The following CRAMP1 variants were observed in gnomAD, a reference collection of about 807,000 sequenced individuals.
The protein encoded by CRAMP1 is cramped chromatin regulator 1.
In CRAMP1, 50 loss-of-function variants were observed where a neutral mutation model predicts 115.4. The ratio of observed to expected loss-of-function variants is 0.43; its 90% CI spans 0.35 to 0.55. The LOEUF is 0.55. CRAMP1 is among the 20% of genes least tolerant of loss of function. CRAMP1 has a pLI of 0.01. For missense variants in CRAMP1, 1,679 were observed against 1,721.7 expected (o/e 0.98, Z 0.44); for synonymous variants, 866 against 745.4 (o/e 1.16, Z -2.64).
intron 6 of CRAMP1, among the ~76,000 whole-genome samples, chr16:1,642,828 T>G (rs995344246): frequency 1.3e-5 from 2 of 152,238 alleles, no homozygotes; most frequent in African/African-American, 4.8e-5. Context: ...AGTTCCAGAC[T>G]CTTTGCTGTA....
chr16:1,615,496 A>G (rs1282545931), intron 2 of CRAMP1, among the ~76,000 whole-genome samples: 1 of 152,204 alleles, frequency 6.6e-6, no homozygotes. Flanking sequence ...GGTTGAGAGT[A>G]GGAAGGGCAT....
intron 6 of CRAMP1, among the ~76,000 whole-genome samples, chr16:1,642,695 T>C (rs916357227): frequency 2.0e-5 from 3 of 152,248 alleles, no homozygotes; most frequent in Admixed American, 6.5e-5. Context: ...GTTTCTGATG[T>C]CAGCTGACCA....
rs2036739192 is a variant in CRAMP1, at chr16:1,653,172, G to A, written c.1037+16G>A. ...CACGCCTCAGGTAACATGGCCCTTGGCACGCAGAGGGGTCCCAACTGCTTG... is the reference window on the plus strand; with the variant it reads ...CACGCCTCAGGTAACATGGCCCTTGACACGCAGAGGGGTCCCAACTGCTTG... On this transcript the variant is annotated intron_variant, in intron 8 of 20. Coordinates refer to ENST00000397412, the MANE Select transcript of CRAMP1 (RefSeq NM_020825.4). The A allele has an allele frequency of 6.2e-7, 1 of 1,602,698 alleles. No individual in the cohort carries two copies. The highest frequency in any genetic ancestry group is 1.1e-5 in the South Asian group (1 of 89,100).
intron 2 of CRAMP1, among the ~76,000 whole-genome samples, chr16:1,616,239 C>T (rs1040081011): frequency 2.6e-5 from 4 of 152,166 alleles, no homozygotes; most frequent in Non-Finnish European, 5.9e-5. Flanking sequence ...TTGCTAGTTA[C>T]AGGTATGTCT....
At chr16:1,673,788 G>T in intron 20 of CRAMP1, 93 bp from the exon 21 acceptor site, 1 of 1,198,022 alleles carries the variant, frequency 8.3e-7, no homozygotes. Flanking sequence ...AGCGGGAGTC[G>T]ATAGGAGCTT....
In CRAMP1 at chr16:1,614,793, C is replaced by G. The variant is rs1481180447; in HGVS notation, c.154C>G (p.Pro52Ala). The part of the protein sequence containing the change: ...SSGTKRDEKT[P>A]RAGADGPPAP... ...CGGCACAAAGAGGGACGAGAAGACC[C>G]CCCGGGCCGGCGCCGACGGCCCCCC... The change falls in exon 2 of 21, where the codon CCC becomes GCC. Residue 52 changes from proline to alanine, a missense_variant. This residue lies in a region of CRAMP1 where 264 missense variants were observed against 229.7 expected (regional missense o/e 1.15). Transcript: ENST00000397412. This position sits in a 1 kb window ranked among gnomAD's most constrained non-coding sequence, Gnocchi z 4.4. 5 of 1,309,610 alleles carry G rather than the reference C, an allele frequency of 3.8e-6. No homozygotes were observed. Among genetic ancestry groups the G allele is most frequent in the Non-Finnish European group, 4.9e-6 (5 of 1,028,232 alleles). The allele number at this position is 1,309,610 out of a possible 1,614,324, so 81.1% of individuals were successfully genotyped here.
At position 1,622,363 on chromosome 16, in the gene CRAMP1, A is replaced by T. The variant is rs542447280; in HGVS notation, c.347-3610A>T. 4.6e-5 allele frequency among the ~76,000 whole-genome samples: 7 copies of T among 152,252 alleles called. No homozygotes were observed. In the East Asian group the frequency reaches 1.2e-3, roughly 25 times the overall value. ...CCCCGTCTCTACTAAAGTACAAAAA[A>T]ATTAGCCATTGTGGTGGTGTGCACC... On this transcript the variant is annotated intron_variant, in intron 2 of 20. Transcript: ENST00000397412.
rs1420929399 is a variant in CRAMP1 at position 1,656,159 on chromosome 16, G to A, written c.1402G>A (p.Ala468Thr). The change falls in exon 10 of 21, where the codon GCT (alanine) becomes ACT (threonine). Residue 468 changes from alanine (A) to threonine (T), a missense_variant. By Grantham distance (58) the Ala-to-Thr change is moderately conservative. This residue lies in a region of CRAMP1 where 405 missense variants were observed against 302.6 expected (regional missense o/e 1.34). Transcript: ENST00000397412. This position sits in a 1 kb window ranked among gnomAD's most constrained non-coding sequence, Gnocchi z 5.6. ...RGQVKCPRSG[A>T]EGKGVGRPPP... Reference sequence around the variant, plus strand: ...CCAGGTGAAATGCCCGCGGAGCGGAGCTGAGGGCAAGGGTGTGGGGCGGCC... The same window carrying A: ...CCAGGTGAAATGCCCGCGGAGCGGAACTGAGGGCAAGGGTGTGGGGCGGCC... 1 of 1,607,174 alleles carries A rather than the reference G, an allele frequency of 6.2e-7. No individual in the cohort carries two copies. The highest frequency in any genetic ancestry group is 1.1e-5 in the South Asian group (1 of 90,748).
rs1485396628 is a variant in CRAMP1, at chr16:1,662,550, A to G, written c.2474A>G (p.Asp825Gly). Reference protein sequence around the residue: ...VPGPSSTGSNDSDGGLFAVPT... With the variant: ...VPGPSSTGSNGSDGGLFAVPT... ...GGTCCCTCCAGCACAGGAAGCAATG[A>G]CTCAGATGGAGGCCTTTTTGCTGTC... The change falls in exon 12 of 21, where the codon GAC becomes GGC. Residue 825 changes from aspartate to glycine, a missense_variant. Transcript: ENST00000397412. 1 of 1,613,764 alleles carries G rather than the reference A, an allele frequency of 6.2e-7. No homozygotes were observed. The highest frequency in any genetic ancestry group is 1.3e-5 in the African/African-American group (1 of 74,966).
chr16:1,635,613 T>C (rs765447660), intron 4 of CRAMP1, among the ~76,000 whole-genome samples: 47 of 152,220 alleles, frequency 3.1e-4, no homozygotes, highest in Non-Finnish European at 6.3e-4. Context: ...GGTGCTACTT[T>C]CTTGTTTCTG....
Position 1,655,889 on chromosome 16 carries a change from G to A in CRAMP1, c.1132G>A (p.Glu378Lys), listed in dbSNP as rs991733349. 9 of 1,609,026 alleles carry A rather than the reference G, an allele frequency of 5.6e-6. No individual in the cohort carries two copies. Among genetic ancestry groups the A allele is most frequent in the South Asian group, 2.2e-5 (2 of 90,764 alleles). ...GACGGGCACTCAGCGGAAGACACTCGAGGAGCGGCAGCTGCAGGACTCATG... is the reference window on the plus strand; with the variant it reads ...GACGGGCACTCAGCGGAAGACACTCAAGGAGCGGCAGCTGCAGGACTCATG... ...LHEVRVRKTLEERQLQDSCSA... is the reference protein window; with the variant it reads ...LHEVRVRKTLKERQLQDSCSA... The change falls in exon 10 of 21, where the codon GAG (glutamate) becomes AAG (lysine). Residue 378 changes from glutamate to lysine, a missense_variant. By Grantham distance (56) the Glu-to-Lys change is moderately conservative (BLOSUM62 1). This residue lies in a region of CRAMP1 where 191 missense variants were observed against 236.2 expected (regional missense o/e 0.81). Transcript: ENST00000397412.
intron 4 of CRAMP1, among the ~76,000 whole-genome samples, chr16:1,633,808 A>G (rs557219535): frequency 6.6e-6 from 1 of 152,334 alleles, no homozygotes; most frequent in African/African-American, 2.4e-5. Context: ...GCGGTGGCTC[A>G]TGCCTGTAAT....
intron 2 of CRAMP1, among the ~76,000 whole-genome samples, chr16:1,625,310 G>A (rs948604491): frequency 2.6e-5 from 4 of 152,176 alleles, no homozygotes; most frequent in Admixed American, 6.5e-5. Context: ...CCTCGGGGTC[G>A]TCTTGGGCTT....
intron 17 of CRAMP1, 130 bp downstream of exon 17, chr16:1,667,530 T>TC: frequency 1.4e-6 from 1 of 735,884 alleles, no homozygotes; most frequent in Non-Finnish European, 2.4e-6. Context: ...TTGCTGTTCT[T>TC]CCACCTGCTG....
chr16:1,616,313 C>A (rs534535983), intron 2 of CRAMP1, among the ~76,000 whole-genome samples: 85 of 152,232 alleles, frequency 5.6e-4, no homozygotes, highest in African/African-American at 2.0e-3. Context: ...AGCCCTGGAC[C>A]TTGAATCCAG....
intron 2 of CRAMP1, among the ~76,000 whole-genome samples, chr16:1,619,506 C>G (rs2036448833): frequency 6.6e-6 from 1 of 152,162 alleles, no homozygotes; most frequent in Non-Finnish European, 1.5e-5. Context: ...CACTAAAGAA[C>G]CACGTTAGAA....
Position 1,614,867 on chromosome 16 carries a change from C to T in CRAMP1, c.228C>T (p.Pro76=). The change falls in exon 2 of 21, where the codon CCC becomes CCT. Residue 76 remains proline, a synonymous_variant. Transcript: ENST00000397412. This position sits in a 1 kb window ranked among gnomAD's most constrained non-coding sequence, Gnocchi z 4.4. ...PQAPSPPQGS[P]QDQHHFLRSS... ...CGCCGTCCCCGCCGCAGGGCAGCCC[C>T]CAGGACCAGCACCACTTCCTCCGGT... is the stretch of plus-strand genomic sequence containing the variant. The T allele has an allele frequency of 7.5e-7, 1 of 1,327,690 alleles. No homozygotes were observed. The highest frequency in any genetic ancestry group is 2.4e-5 in the South Asian group (1 of 41,700). The allele number at this position is 1,327,690 out of a possible 1,614,324, so 82.2% of individuals were successfully genotyped here.
intron 8 of CRAMP1, 74 bp from the exon 9 acceptor site, chr16:1,655,145 C>A: frequency 4.6e-6 from 6 of 1,317,652 alleles, no homozygotes; most frequent in Non-Finnish European, 6.6e-6. Flanking sequence ...CTGCTGTAAG[C>A]AGCCTCGGGA....
At chr16:1,634,290 A>C (rs2036569417) in intron 4 of CRAMP1, among the ~76,000 whole-genome samples, 2 of 152,192 alleles carry the variant, frequency 1.3e-5, no homozygotes, top group African/African-American at 4.8e-5. Flanking sequence ...CTGAGGTTCA[A>C]ATGCACATTC....
Sources: allele counts gnomAD v4.1 joint callset (sites outside exome capture counted in the v4.1 genomes callset), GRCh38; gene constraint gnomAD v4.1.1; regional missense constraint gnomAD v4.1.1; non-coding constraint Gnocchi (gnomAD v3.1); transcripts MANE v1.5; gene names NCBI Gene and HGNC (gene_info 2026-07-23, HGNC 2026-07-21).